The following ABHD6 variants were observed in gnomAD, a reference collection of about 807,000 sequenced individuals.
ABHD6 encodes abhydrolase domain containing 6, acylglycerol lipase, also known as monoacylglycerol lipase ABHD6.
In ABHD6, 33 loss-of-function variants were observed where a neutral mutation model predicts 38.8. The observed-to-expected ratio is 0.85, with a 90% CI of 0.64 to 1.14. The LOEUF (loss-of-function observed/expected upper bound fraction) is 1.14, where lower values mean the gene tolerates loss of function less well. Among genes scored for constraint, ABHD6 ranks in the 50% most tolerant of loss-of-function variants. The pLI is 0.00. For synonymous variants in ABHD6, 147 were observed against 161.6 expected, an observed-to-expected ratio of 0.91 and a Z score of 0.69; for missense variants, 380 against 422.6, an observed-to-expected ratio of 0.90 and a Z score of 0.88.
At chr3:58,274,615 A>T in intron 6 of ABHD6, 43 bp from the exon 7 acceptor site, 2 of 1,592,280 alleles carry the variant, frequency 1.3e-6, no homozygotes, top group Non-Finnish European at 1.7e-6. Context: ...GATTGGTAAG[A>T]AGGTGGATGT....
chr3:58,246,684 A>G (rs542559598), intron 1 of ABHD6, among the ~76,000 whole-genome samples: 4 of 152,312 alleles, frequency 2.6e-5, no homozygotes, highest in African/African-American at 9.6e-5. Context: ...CCATCTAATC[A>G]GTACCTCTCC....
chr3:58,247,148 A>G (rs1352958123), intron 1 of ABHD6, among the ~76,000 whole-genome samples: 1 of 151,582 alleles, frequency 6.6e-6, no homozygotes, highest in Non-Finnish European at 1.5e-5. Context: ...GACTACAGGC[A>G]TGCACCACCA....
Position 58,293,302 on chromosome 3 carries a change from C to G in ABHD6, c.838-287C>G, listed in dbSNP as rs574702613. ...TCATCCCCTGTGCTCTCTGACTTCC[C>G]CACCATACCATAACCTCCTCAAGGG... On this transcript the variant is annotated intron_variant, in intron 9 of 9. Transcript: ENST00000478253. The surrounding 1 kb of genome is among the most constrained non-coding windows in gnomAD (Gnocchi z 4.4). Among the ~76,000 whole-genome samples, 12 of 152,328 alleles carry G rather than the reference C, an allele frequency of 7.9e-5. No individual in the cohort carries two copies. Among genetic ancestry groups the G allele is most frequent in the Non-Finnish European group, 1.3e-4 (9 of 68,034 alleles).
rs1348957111 is a variant in ABHD6, at chr3:58,280,638, C to T, written c.682-4447C>T. The stretch of plus-strand genomic sequence containing the variant: ...CCATCCAGCTTTGTTCCGTTGCTGG[C>T]GAGGAGCTGCAATCATTTGGAGGAG... On this transcript the variant is annotated intron_variant, in intron 7 of 9. Transcript: ENST00000478253. Among the ~76,000 whole-genome samples the T allele has an allele frequency of 3.9e-5, 6 of 152,190 alleles. No homozygotes were observed. In the East Asian group the frequency reaches 7.7e-4, roughly 20 times the overall value.
At chr3:58,281,351 A>G (rs1275281069) in intron 7 of ABHD6, among the ~76,000 whole-genome samples, 1 of 152,072 alleles carries the variant, frequency 6.6e-6, no homozygotes, top group Non-Finnish European at 1.5e-5. Context: ...TCAATCTCAG[A>G]CTGCTGTGCT....
rs1471924532 is a variant in ABHD6 at position 58,290,460 on chromosome 3, G to A, written c.838-3129G>A. ...CACCTACCGGATGGGGCGGCTGGCCGGGCGGGGGGCTGACCCCCCCACCTC... is the reference window on the plus strand; with the variant it reads ...CACCTACCGGATGGGGCGGCTGGCCAGGCGGGGGGCTGACCCCCCCACCTC... On this transcript the variant is annotated intron_variant, in intron 9 of 9. Coordinates refer to ENST00000478253, the MANE Select transcript of ABHD6 (RefSeq NM_001320126.2). Among the ~76,000 whole-genome samples the A allele has an allele frequency of 5.1e-4, 60 of 116,930 alleles. 1 individual carries two copies. Among genetic ancestry groups the A allele is most frequent in the South Asian group, 4.1e-3 (13 of 3,160 alleles). The allele number at this position is 116,930 out of a possible 152,430, so 76.7% of individuals were successfully genotyped here.
In ABHD6 at chr3:58,286,868, ATGTATATG is replaced by A. The variant is rs1559784518; in HGVS notation, c.837+1417_837+1424del. 1.0e-4 allele frequency among the ~76,000 whole-genome samples: 13 copies of A among 128,304 alleles called. No homozygotes were observed. The South Asian group carries it at 2.8e-3, about 27-fold the overall frequency. The allele number at this position is 128,304 out of a possible 152,430, so 84.2% of individuals were successfully genotyped here. On this transcript the variant is annotated intron_variant, in intron 9 of 9. Transcript: ENST00000478253. ...TGTGTGTGTGTATATATATATATAT[ATGTATATG>A]TATATATAAGTAGGTATCTTGGAAA...
chr3:58,271,645 T>C (rs1193642386), intron 6 of ABHD6, among the ~76,000 whole-genome samples: 1 of 152,004 alleles, frequency 6.6e-6, no homozygotes, highest in Non-Finnish European at 1.5e-5. Context: ...TGTTCTCCGA[T>C]ATTACCGTTT....
rs937422979 is a variant in ABHD6, at chr3:58,251,362, G to A, written c.-26+1420G>A. ...AAAGACAGAAATCAGTAAGTCAGGC[G>A]AAGCGAGGAGAGATGTGTCTATGAG... On this transcript the variant is annotated intron_variant, in intron 2 of 9. Coordinates refer to ENST00000478253, the MANE Select transcript of ABHD6 (RefSeq NM_001320126.2). This position sits in a 1 kb window ranked among gnomAD's most constrained non-coding sequence, Gnocchi z 5.4. Among the ~76,000 whole-genome samples, 1 of 151,892 alleles carries A rather than the reference G, an allele frequency of 6.6e-6. No individual in the cohort carries two copies. Among genetic ancestry groups the A allele is most frequent in the African/African-American group, 2.4e-5 (1 of 41,356 alleles).
rs1440357694 is a variant in ABHD6 at position 58,251,505 on chromosome 3, G to A, written c.-26+1563G>A. On this transcript the variant is annotated intron_variant, in intron 2 of 9. Transcript: ENST00000478253. The surrounding 1 kb of genome is among the most constrained non-coding windows in gnomAD (Gnocchi z 5.4). ...ATCAGTGACAACATTAAAGAAAATT[G>A]TGAGATGTGCCTTACTCCTAACCCC... Among the ~76,000 whole-genome samples, 1 of 152,190 alleles carries A rather than the reference G, an allele frequency of 6.6e-6. No individual in the cohort carries two copies. The highest frequency in any genetic ancestry group is 1.5e-5 in the Non-Finnish European group (1 of 68,030).
At chr3:58,260,967 G>A (rs1025285736) in intron 3 of ABHD6, among the ~76,000 whole-genome samples, 2 of 152,204 alleles carry the variant, frequency 1.3e-5, no homozygotes, top group African/African-American at 2.4e-5. Flanking sequence ...CCACAACACC[G>A]TGGACTATGG....
In ABHD6 at chr3:58,285,289, A is replaced by T. The variant is rs1010509076; in HGVS notation, c.737-64A>T. 1.3e-6 allele frequency: 2 copies of T among 1,564,738 alleles called. No homozygotes were observed. Among genetic ancestry groups the T allele is most frequent in the African/African-American group, 2.7e-5 (2 of 73,814 alleles). ...GCCTGGATCTGGTGACTATCCCTTG[A>T]TTCTGCGGTGGTGCCACAGGCACAG... On this transcript the variant is annotated intron_variant, in intron 8 of 9. Coordinates refer to ENST00000478253, the MANE Select transcript of ABHD6 (RefSeq NM_001320126.2). The surrounding 1 kb of genome is among the most constrained non-coding windows in gnomAD (Gnocchi z 4.9).
chr3:58,258,793 A>G (rs566059371), intron 3 of ABHD6, among the ~76,000 whole-genome samples: 1 of 152,150 alleles, frequency 6.6e-6, no homozygotes, highest in South Asian at 2.1e-4. Flanking sequence ...AATCCTTGAA[A>G]CTAATTGAAT....
At chr3:58,242,391 C>T (rs11130622) in intron 1 of ABHD6, among the ~76,000 whole-genome samples, 46,607 of 151,936 alleles carry the variant, frequency 0.31, 8,066 homozygotes, top group East Asian at 0.76. Flanking sequence ...CAAACTAAAA[C>T]CTCTAAAACT....
Position 58,249,908 on chromosome 3 carries a change from T to C in ABHD6, c.-60T>C, listed in dbSNP as rs1423359619. ...CATTTTCAGCTTCTGCCAGAGCCAG[T>C]AGCAGTTGGGAAAGAAGGCTGTGCT... On this transcript the variant is annotated 5_prime_UTR_variant, in exon 2 of 10. Transcript: ENST00000478253. 2 of 152,238 alleles carry C rather than the reference T, an allele frequency of 1.3e-5. No homozygotes were observed. Among genetic ancestry groups the C allele is most frequent in the African/African-American group, 4.8e-5 (2 of 41,456 alleles). 9.4% of individuals were successfully genotyped at this position (152,238 alleles called of 1,614,324 possible).
intron 9 of ABHD6, among the ~76,000 whole-genome samples, chr3:58,290,918 C>T (rs1304129089): frequency 1.1e-4 from 16 of 151,506 alleles, no homozygotes; most frequent in Non-Finnish European, 2.1e-4. Flanking sequence ...CAGAGGGGCT[C>T]CTCACATCCC....
chr3:58,277,313 C>A (rs938028397), intron 7 of ABHD6, among the ~76,000 whole-genome samples: 26 of 152,226 alleles, frequency 1.7e-4, no homozygotes, highest in African/African-American at 6.0e-4. Context: ...TGTAGTTCTC[C>A]TTGAAGAGGT....
chr3:58,276,762 T>C (rs1431573740), intron 7 of ABHD6, among the ~76,000 whole-genome samples: 3 of 152,244 alleles, frequency 2.0e-5, no homozygotes, highest in Non-Finnish European at 4.4e-5. Context: ...AACATTTAAG[T>C]CTTTAATCCA....
At chr3:58,261,431 A>G (rs536016525) in intron 3 of ABHD6, among the ~76,000 whole-genome samples, 63 of 152,180 alleles carry the variant, frequency 4.1e-4, no homozygotes, top group African/African-American at 1.4e-3. Flanking sequence ...GGAGTTTAAG[A>G]CCAGCCTAGG....
Sources: allele counts gnomAD v4.1 joint callset (sites outside exome capture counted in the v4.1 genomes callset), GRCh38; gene constraint gnomAD v4.1.1; non-coding constraint Gnocchi (gnomAD v3.1); transcripts MANE v1.5; gene names NCBI Gene and HGNC (gene_info 2026-07-23, HGNC 2026-07-21).